Variants in IRAK2 observed in about 807,000 individuals in gnomAD.
The protein encoded by IRAK2 is interleukin-1 receptor-associated kinase-like 2.
In IRAK2, 57 loss-of-function variants were observed where a neutral mutation model predicts 72.0. The observed-to-expected ratio is 0.79, with a 90% CI of 0.64 to 0.99. IRAK2 has a LOEUF of 0.99. Among genes scored for constraint, IRAK2 ranks in the 50% least tolerant of loss-of-function variants. The pLI is 0.00. For missense variants in IRAK2, 790 were observed against 794.4 expected (o/e 0.99, Z 0.07); for synonymous variants, 293 against 312.7 (o/e 0.94, Z 0.67).
At chr3:10,180,198 T>TC (rs1169890565) in intron 2 of IRAK2, among the ~76,000 whole-genome samples, 5 of 151,896 alleles carry the variant, frequency 3.3e-5, no homozygotes, top group Admixed American at 3.3e-4. Flanking sequence ...CCCCCACCCC[T>TC]CCTCACATCC....
At chr3:10,179,079 C>G (rs887627863) in intron 2 of IRAK2, among the ~76,000 whole-genome samples, 1 of 152,136 alleles carries the variant, frequency 6.6e-6, no homozygotes. Flanking sequence ...TCACATCACC[C>G]TGCCTGCAAC....
chr3:10,206,398 T>C (rs9842690), intron 3 of IRAK2, among the ~76,000 whole-genome samples: 16,531 of 152,094 alleles, frequency 0.11, 2,479 homozygotes, highest in African/African-American at 0.34. Context: ...GGCTGCTAGA[T>C]TCACACAGCA....
chr3:10,235,636 G>A (rs1441070209), intron 11 of IRAK2, among the ~76,000 whole-genome samples: 1 of 152,104 alleles, frequency 6.6e-6, no homozygotes, highest in East Asian at 1.9e-4. Flanking sequence ...CCTGTGACTC[G>A]GACCAGACAC....
chr3:10,171,782 T>C (rs1366503714), intron 1 of IRAK2, among the ~76,000 whole-genome samples: 1 of 151,212 alleles, frequency 6.6e-6, no homozygotes, highest in Non-Finnish European at 1.5e-5. Flanking sequence ...TTTTTTTTTT[T>C]TGAGACGGAG....
At chr3:10,182,346 G>A (rs182618749) in intron 2 of IRAK2, among the ~76,000 whole-genome samples, 1,622 of 147,228 alleles carry the variant, frequency 0.011, 32 homozygotes, top group African/African-American at 0.038. Context: ...GCGGTGGCAC[G>A]ATCTCGGCTC....
chr3:10,212,763 CTTTTTTTT>C (rs543464447), intron 4 of IRAK2, among the ~76,000 whole-genome samples: 77 of 125,968 alleles, frequency 6.1e-4, no homozygotes, highest in African/African-American at 2.3e-3. Context: ...TATCCATGTC[CTTTTTTTT>C]TTTTTTTTTT....
intron 9 of IRAK2, among the ~76,000 whole-genome samples, chr3:10,223,154 C>A (rs1157883847): frequency 6.6e-6 from 1 of 152,176 alleles, no homozygotes; most frequent in African/African-American, 2.4e-5. Flanking sequence ...TGAAGGAAAA[C>A]CACTCATGAG....
At position 10,240,996 on chromosome 3, in the gene IRAK2, A is replaced by C. The variant is rs536803552; in HGVS notation, c.1766-1120A>C. Among the ~76,000 whole-genome samples, 4 of 152,000 alleles carry C rather than the reference A, an allele frequency of 2.6e-5. No individual in the cohort carries two copies. The South Asian group carries it at 8.3e-4, about 32-fold the overall frequency. ...AGAGGAAGAAGAAAGACAGGATGTGAGCATTTTTTTCACTCCACCCTCCCA... is the reference window on the plus strand; with the variant it reads ...AGAGGAAGAAGAAAGACAGGATGTGCGCATTTTTTTCACTCCACCCTCCCA... On this transcript the variant is annotated intron_variant, in intron 12 of 12. Coordinates refer to ENST00000256458, the MANE Select transcript of IRAK2 (RefSeq NM_001570.4).
intron 11 of IRAK2, among the ~76,000 whole-genome samples, chr3:10,238,413 G>A (rs1243064608): frequency 1.3e-5 from 2 of 152,112 alleles, no homozygotes; most frequent in Non-Finnish European, 2.9e-5. Flanking sequence ...AAGGCTGGAG[G>A]TCTTTCCCCA....
chr3:10,237,926 G>GCC (rs1309257135), intron 11 of IRAK2, among the ~76,000 whole-genome samples: 1 of 99,690 alleles, frequency 1.0e-5, no homozygotes, highest in Admixed American at 1.1e-4. Context: ...ATGTATGTGT[G>GCC]CTCTGTGTGT....
chr3:10,167,557 G>A (rs1012407780), intron 1 of IRAK2, among the ~76,000 whole-genome samples: 3 of 151,982 alleles, frequency 2.0e-5, no homozygotes, highest in African/African-American at 7.3e-5. Context: ...TTGGACTACA[G>A]GTGCCTGCCA....
chr3:10,200,659 G>A (rs708032), intron 3 of IRAK2, 144 bp downstream of exon 3: 192,936 of 608,746 alleles, frequency 0.32, 34,128 homozygotes, highest in Non-Finnish European at 0.36. Context: ...AGCTCCGTGA[G>A]GCTGAGGCGG....
At chr3:10,234,989 G>T (rs1289706218) in intron 11 of IRAK2, among the ~76,000 whole-genome samples, 1 of 152,180 alleles carries the variant, frequency 6.6e-6, no homozygotes, top group African/African-American at 2.4e-5. Flanking sequence ...GGCTCTGCCC[G>T]CAGTTTATAA....
chr3:10,171,289 C>G (rs1053446624), intron 1 of IRAK2, among the ~76,000 whole-genome samples: 2 of 152,170 alleles, frequency 1.3e-5, no homozygotes, highest in Admixed American at 1.3e-4. Flanking sequence ...CCCTGCCCAG[C>G]TGTGTGACAT....
At chr3:10,178,258 G>A (rs1251082551) in intron 2 of IRAK2, among the ~76,000 whole-genome samples, 2 of 152,178 alleles carry the variant, frequency 1.3e-5, no homozygotes, top group African/African-American at 2.4e-5. Context: ...AGGAGTTTGA[G>A]ACTGGCCTGG....
intron 1 of IRAK2, among the ~76,000 whole-genome samples, chr3:10,165,520 A>T (rs962118100): frequency 7.2e-5 from 11 of 151,872 alleles, no homozygotes; most frequent in African/African-American, 2.2e-4. Context: ...ATTGAAACGG[A>T]GTTTCGCTGT....
At chr3:10,221,248 ATTTTTTTTTTTT>A (rs34742796) in intron 8 of IRAK2, among the ~76,000 whole-genome samples, 1 of 89,714 alleles carries the variant, frequency 1.1e-5, no homozygotes, top group Non-Finnish European at 2.0e-5. Flanking sequence ...AAAAAAAAAA[ATTTTTTTTTTTT>A]TTTTTTTTTT....
At chr3:10,239,061 A>G (rs916489541) in intron 12 of IRAK2, 22 bp downstream of exon 12, 1 of 1,558,662 alleles carries the variant, frequency 6.4e-7, no homozygotes, top group African/African-American at 1.4e-5. Context: ...GTCAGAGTGC[A>G]TTTGGATGCT....
intron 2 of IRAK2, among the ~76,000 whole-genome samples, chr3:10,189,248 A>T (rs1697135229): frequency 6.6e-6 from 1 of 152,134 alleles, no homozygotes; most frequent in African/African-American, 2.4e-5. Context: ...GGAATAGTGG[A>T]CCAAGAAGTG....
Sources: allele counts gnomAD v4.1 joint callset (sites outside exome capture counted in the v4.1 genomes callset), GRCh38; gene constraint gnomAD v4.1.1; transcripts MANE v1.5; gene names NCBI Gene and HGNC (gene_info 2026-07-23, HGNC 2026-07-21).